Variants in DOK5 observed in about 807,000 individuals in gnomAD.
The protein encoded by DOK5 is docking protein 5.
In DOK5, 27 loss-of-function variants were observed where a neutral mutation model predicts 43.3. The ratio of observed to expected loss-of-function variants is 0.62; its 90% confidence interval spans 0.46 to 0.86. The LOEUF is 0.86. Among genes scored for constraint, DOK5 ranks in the 40% least tolerant of loss-of-function variants. The pLI, the probability that DOK5 is intolerant of heterozygous loss-of-function variation, is 0.00. For synonymous variants in DOK5, 146 were observed against 140.1 expected, an observed-to-expected ratio of 1.04 and a Z score of -0.30; for missense variants, 373 against 392.9, an observed-to-expected ratio of 0.95 and a Z score of 0.43.
intron 1 of DOK5, among the ~76,000 whole-genome samples, chr20:54,496,470 T>G (rs1982395641): frequency 6.6e-6 from 1 of 152,036 alleles, no homozygotes; most frequent in Non-Finnish European, 1.5e-5. Flanking sequence ...TTTGAAATCC[T>G]TGAGAAGAAA....
In DOK5 at chr20:54,588,693, A is replaced by C. The variant is rs760054932; in HGVS notation, c.296A>C (p.Glu99Ala). The change falls in exon 4 of 8, where the codon GAG (glutamate) becomes GCG (alanine). Residue 99 changes from glutamate to alanine, a missense_variant. Glu to Ala is a moderately radical substitution (Grantham distance 107). Transcript: ENST00000262593. ...CTTTTTGACATTTCCACAGATCTTGAGGCTGATGAGTGGTGCAAAGTACTC... is the reference window on the plus strand; with the variant it reads ...CTTTTTGACATTTCCACAGATCTTGCGGCTGATGAGTGGTGCAAAGTACTC... ...SKTFACESDL[E>A]ADEWCKVLQM... is the part of the protein sequence containing the mutation. 1.2e-6 allele frequency: 2 copies of C among 1,613,976 alleles called. No homozygotes were observed. The highest frequency in any genetic ancestry group is 1.7e-6 in the Non-Finnish European group (2 of 1,179,984).
At position 54,501,196 on chromosome 20, in the gene DOK5, G is replaced by A. The variant is rs567180969; in HGVS notation, c.66+25184G>A. On this transcript the variant is annotated intron_variant, in intron 1 of 7. Transcript: ENST00000262593. ...GAAATCTGGCAGTGGGGCTGGGCGC[G>A]GTGGCTCACGCCTGTAATCCCAGCA... Among the ~76,000 whole-genome samples, 31 of 151,556 alleles carry A rather than the reference G, an allele frequency of 2.0e-4. No individual in the cohort carries two copies. In the South Asian group the frequency reaches 4.2e-3, roughly 20 times the overall value.
At chr20:54,509,965 G>C (rs1407225784) in intron 1 of DOK5, among the ~76,000 whole-genome samples, 1 of 151,856 alleles carries the variant, frequency 6.6e-6, no homozygotes, top group African/African-American at 2.4e-5. Context: ...TGGGGGGATG[G>C]GGGGAGGGAG....
chr20:54,647,363 G>T (rs1363981169), intron 7 of DOK5, among the ~76,000 whole-genome samples: 2 of 151,972 alleles, frequency 1.3e-5, no homozygotes, highest in African/African-American at 4.8e-5. Flanking sequence ...AAATTAGCTG[G>T]GCATGGTGGC....
rs375139267 is a variant in DOK5, at chr20:54,478,221, G to A, written c.66+2209G>A. On this transcript the variant is annotated intron_variant, in intron 1 of 7. Transcript: ENST00000262593. ...TCTTATGGTATGATTTACAAAAGAG[G>A]CTGATTACATAGTTGCCAGAACACA... Among the ~76,000 whole-genome samples, 4 of 152,284 alleles carry A rather than the reference G, an allele frequency of 2.6e-5. No individual in the cohort carries two copies. The South Asian group carries it at 6.2e-4, about 24-fold the overall frequency.
intron 1 of DOK5, among the ~76,000 whole-genome samples, chr20:54,501,421 T>G (rs886843606): frequency 7.4e-6 from 1 of 134,800 alleles, no homozygotes; most frequent in African/African-American, 2.9e-5. Flanking sequence ...GAGCCGAGAT[T>G]GCGGCACTGC....
intron 6 of DOK5, among the ~76,000 whole-genome samples, chr20:54,625,931 C>T (rs977850807): frequency 5.9e-5 from 9 of 152,132 alleles, no homozygotes; most frequent in African/African-American, 1.4e-4. Context: ...ATGGTGGGCA[C>T]GACATCTATG....
intron 6 of DOK5, among the ~76,000 whole-genome samples, chr20:54,618,949 C>G (rs995173671): frequency 6.9e-6 from 1 of 144,402 alleles, no homozygotes; most frequent in Non-Finnish European, 1.5e-5. Context: ...TCCAGGAGAT[C>G]CAGGCTGCAG....
In DOK5 at chr20:54,497,452, G is replaced by A. The variant is rs535216287; in HGVS notation, c.66+21440G>A. On this transcript the variant is annotated intron_variant, in intron 1 of 7. Coordinates refer to ENST00000262593, the MANE Select transcript of DOK5 (RefSeq NM_018431.5). Reference sequence around the variant, plus strand: ...GTAAACTTGTGTAACATAAGCATAGGTAACATCTTCTAAATGGAGGAGTGG... The same window carrying A: ...GTAAACTTGTGTAACATAAGCATAGATAACATCTTCTAAATGGAGGAGTGG... Among the ~76,000 whole-genome samples, 4 of 152,268 alleles carry A rather than the reference G, an allele frequency of 2.6e-5. No homozygotes were observed. The East Asian group carries it at 7.7e-4, about 29-fold the overall frequency.
chr20:54,605,483 C>T (rs1228620254), intron 5 of DOK5, among the ~76,000 whole-genome samples: 1 of 152,202 alleles, frequency 6.6e-6, no homozygotes, highest in Admixed American at 6.5e-5. Context: ...CCGCAGGCTA[C>T]CCCTCTTCCC....
chr20:54,537,039 G>T (rs1479641874), intron 1 of DOK5, among the ~76,000 whole-genome samples: 1 of 152,200 alleles, frequency 6.6e-6, no homozygotes, highest in African/African-American at 2.4e-5. Flanking sequence ...TGGTAATGAG[G>T]CCACTCCTAC....
chr20:54,477,236 C>G (rs1057487307), intron 1 of DOK5, among the ~76,000 whole-genome samples: 1 of 152,150 alleles, frequency 6.6e-6, no homozygotes, highest in Non-Finnish European at 1.5e-5. Flanking sequence ...GATACTTTTA[C>G]TGAAAACTGA....
chr20:54,589,113 C>A (rs1050209887), intron 4 of DOK5, among the ~76,000 whole-genome samples: 1 of 152,162 alleles, frequency 6.6e-6, no homozygotes, highest in Non-Finnish European at 1.5e-5. Flanking sequence ...CTTTTCATAG[C>A]AGCCCTATGG....
chr20:54,649,253 C>T (rs6098136), intron 7 of DOK5, among the ~76,000 whole-genome samples: 2,339 of 152,088 alleles, frequency 0.015, 66 homozygotes, highest in African/African-American at 0.054. Flanking sequence ...GAGACCCCCT[C>T]CCTACAAAAA....
intron 1 of DOK5, among the ~76,000 whole-genome samples, chr20:54,481,545 C>A (rs943778072): frequency 2.6e-5 from 4 of 152,074 alleles, no homozygotes; most frequent in East Asian, 3.8e-4. Flanking sequence ...GACTTATTAC[C>A]CTCTCCTTCA....
At chr20:54,487,513 C>G (rs1011334681) in intron 1 of DOK5, among the ~76,000 whole-genome samples, 1 of 152,064 alleles carries the variant, frequency 6.6e-6, no homozygotes. Context: ...CATGCAGTGA[C>G]AAAAATTTTG....
intron 1 of DOK5, among the ~76,000 whole-genome samples, chr20:54,543,616 G>C (rs1600691589): frequency 1.3e-5 from 2 of 151,894 alleles, no homozygotes; most frequent in South Asian, 4.2e-4. Context: ...AGAGGAGAGA[G>C]AGGAGGGGAA....
chr20:54,568,799 G>A (rs1258310360), intron 2 of DOK5, among the ~76,000 whole-genome samples: 7 of 151,662 alleles, frequency 4.6e-5, no homozygotes, highest in African/African-American at 7.3e-5. Flanking sequence ...GTGTGGTGGC[G>A]GGCGCCTGTA....
intron 1 of DOK5, among the ~76,000 whole-genome samples, chr20:54,481,448 C>T (rs868320275): frequency 2.6e-5 from 4 of 152,184 alleles, no homozygotes; most frequent in Admixed American, 6.5e-5. Flanking sequence ...GGATTACAGG[C>T]GTGAGCCACC....
Sources: gnomAD v4.1 joint callset for allele counts (sites outside exome capture counted in the v4.1 genomes callset) on GRCh38, gnomAD v4.1.1 for gene constraint, MANE v1.5 for transcripts, NCBI Gene and HGNC (gene_info 2026-07-23, HGNC 2026-07-21) for gene names.